TCAIM: variants seen among roughly 807,000 people sequenced by gnomAD.
The protein encoded by TCAIM is T-cell activation inhibitor, mitochondrial.
Under a neutral mutation model 58.6 loss-of-function variants are expected in TCAIM, and 36 were observed. The observed-to-expected ratio is 0.61, with a 90% CI of 0.47 to 0.81. The LOEUF (loss-of-function observed/expected upper bound fraction) is 0.81. Among genes scored for constraint, TCAIM ranks in the 30% least tolerant of loss-of-function variants. The probability of loss-of-function intolerance (pLI) is 0.00; values close to 1 mark genes in which losing one functional copy is unlikely to be tolerated. For synonymous variants in TCAIM, 172 were observed against 193.6 expected (o/e 0.89, Z 0.93); for missense variants, 466 against 579.6 (o/e 0.80, Z 2.01).
intron 6 of TCAIM, among the ~76,000 whole-genome samples, chr3:44,394,851 G>A (rs1415424044): frequency 1.7e-5 from 2 of 119,028 alleles, no homozygotes; most frequent in African/African-American, 3.3e-5. Flanking sequence ...CCGAGATCAC[G>A]CCACTGCACT....
chr3:44,398,754 C>T (rs1018206419), intron 8 of TCAIM, among the ~76,000 whole-genome samples: 1 of 152,000 alleles, frequency 6.6e-6, no homozygotes, highest in Non-Finnish European at 1.5e-5. Flanking sequence ...TTATAATAGC[C>T]AAAAACTAGG....
chr3:44,360,577 A>G (rs1187233108), intron 3 of TCAIM, among the ~76,000 whole-genome samples: 2 of 146,336 alleles, frequency 1.4e-5, no homozygotes, highest in South Asian at 2.2e-4. Context: ...CCCAGTTCCT[A>G]TTCACTTCCT....
chr3:44,366,736 G>A (rs1701384387), intron 4 of TCAIM, among the ~76,000 whole-genome samples: 1 of 151,980 alleles, frequency 6.6e-6, no homozygotes, highest in African/African-American at 2.4e-5. Context: ...AAAGTGCTGG[G>A]ATTACAGGCA....
Position 44,396,766 on chromosome 3 carries a change from C to G in TCAIM, c.817C>G (p.Arg273Gly), listed in dbSNP as rs1396125213. ...AKGCTIIFTDRSGMSAVGHVM... is the reference protein window; with the variant it reads ...AKGCTIIFTDGSGMSAVGHVM... The stretch of plus-strand genomic sequence containing the variant: ...AGGGTGTACAATCATATTTACAGAC[C>G]GTTCTGGCATGAGTGCAGTGGGCCA... The change falls in exon 8 of 11, where the codon CGT becomes GGT. Residue 273 changes from arginine to glycine, a missense_variant. Coordinates refer to ENST00000342649, the MANE Select transcript of TCAIM (RefSeq NM_173826.4). The G allele has an allele frequency of 6.2e-7, 1 of 1,613,992 alleles. No individual in the cohort carries two copies.
At chr3:44,389,701 G>A (rs561607364) in intron 5 of TCAIM, among the ~76,000 whole-genome samples, 51 of 151,794 alleles carry the variant, frequency 3.4e-4, no homozygotes, top group Non-Finnish European at 6.5e-4. Flanking sequence ...TATTCTTAAA[G>A]AGGGTATAGG....
At chr3:44,403,321 C>CT (rs1265193947) in intron 10 of TCAIM, among the ~76,000 whole-genome samples, 1 of 152,254 alleles carries the variant, frequency 6.6e-6, no homozygotes, top group Admixed American at 6.5e-5. Context: ...GGAAGCCATT[C>CT]TTTTAGCAAG....
intron 5 of TCAIM, among the ~76,000 whole-genome samples, chr3:44,380,108 C>T (rs1701631893): frequency 5.3e-5 from 8 of 151,812 alleles, no homozygotes; most frequent in Admixed American, 3.3e-4. Context: ...AGTAGTAAGA[C>T]TTTTAGGAGA....
chr3:44,359,039 A>G, intron 3 of TCAIM: 1 of 982,528 alleles, frequency 1.0e-6, no homozygotes, highest in Non-Finnish European at 1.2e-6. Context: ...GTATAGAAAA[A>G]TCAAGCTTAG....
chr3:44,400,709 A>G (rs1702009614), intron 9 of TCAIM, 122 bp downstream of exon 9: 9 of 835,240 alleles, frequency 1.1e-5, no homozygotes, highest in Non-Finnish European at 1.7e-5. Flanking sequence ...AAAAAATGCC[A>G]CTACTTGTGT....
intron 5 of TCAIM, among the ~76,000 whole-genome samples, chr3:44,382,171 A>G (rs76387517): frequency 1.3e-5 from 2 of 152,216 alleles, no homozygotes; most frequent in East Asian, 3.8e-4. Flanking sequence ...AACAATCCTG[A>G]AAAAGAAGAG....
At chr3:44,407,291 G>A (rs1401960215) in intron 10 of TCAIM, 151 bp from the exon 11 acceptor site, 8 of 526,864 alleles carry the variant, frequency 1.5e-5, no homozygotes, top group Admixed American at 3.9e-5. Context: ...TCTTCCAAAC[G>A]TATAATTTGG....
chr3:44,356,521 CA>C (rs910128004), intron 2 of TCAIM, among the ~76,000 whole-genome samples: 5 of 138,314 alleles, frequency 3.6e-5, no homozygotes, highest in Admixed American at 7.3e-5. Context: ...GACTCTGTCT[CA>C]AAAAAAAAAG....
chr3:44,361,261 A>G (rs1456026214), intron 3 of TCAIM, 104 bp from the exon 4 acceptor site: 3 of 981,538 alleles, frequency 3.1e-6, no homozygotes, highest in Non-Finnish European at 4.2e-6. Context: ...TTTAAATACT[A>G]AATTATTTAA....
At chr3:44,359,852 T>G (rs187801498) in intron 3 of TCAIM, 1 of 152,334 alleles carries the variant, frequency 6.6e-6, no homozygotes, top group East Asian at 1.9e-4. Flanking sequence ...AACCTGAGAG[T>G]GGTCTTGGGG....
chr3:44,386,640 G>A (rs1701747488), intron 5 of TCAIM, among the ~76,000 whole-genome samples: 2 of 152,364 alleles, frequency 1.3e-5, no homozygotes, highest in South Asian at 2.1e-4. Context: ...CAAGTGCAGA[G>A]CAAATTTGTG....
At chr3:44,381,572 A>G (rs976023793) in intron 5 of TCAIM, among the ~76,000 whole-genome samples, 5 of 152,182 alleles carry the variant, frequency 3.3e-5, no homozygotes, top group Admixed American at 2.0e-4. Context: ...AACATAAGGA[A>G]GTAGGCAAGG....
At chr3:44,377,264 A>T (rs1482789997) in intron 5 of TCAIM, among the ~76,000 whole-genome samples, 3 of 152,268 alleles carry the variant, frequency 2.0e-5, no homozygotes, top group Non-Finnish European at 4.4e-5. Flanking sequence ...ATTTAAAAAG[A>T]TTACAAGAGA....
intron 4 of TCAIM, among the ~76,000 whole-genome samples, chr3:44,362,259 C>T (rs186636266): frequency 6.6e-6 from 1 of 152,088 alleles, no homozygotes; most frequent in Admixed American, 6.6e-5. Flanking sequence ...TTTGATAGGT[C>T]TTTGAGATCT....
chr3:44,368,445 G>T (rs984638379), intron 5 of TCAIM, among the ~76,000 whole-genome samples: 7 of 152,146 alleles, frequency 4.6e-5, no homozygotes, highest in African/African-American at 1.7e-4. Flanking sequence ...TCTATACTAA[G>T]GGATTCCTCC....
Sources: gnomAD v4.1 joint callset for allele counts (sites outside exome capture counted in the v4.1 genomes callset) on GRCh38, gnomAD v4.1.1 for gene constraint, MANE v1.5 for transcripts, NCBI Gene and HGNC (gene_info 2026-07-23, HGNC 2026-07-21) for gene names.